Variants in RALB observed in about 807,000 individuals in gnomAD.
RALB encodes RAS like proto-oncogene B.
Under a neutral mutation model 21.3 loss-of-function variants are expected in RALB, and 16 were observed. The ratio of observed to expected loss-of-function variants is 0.75; its 90% CI spans 0.51 to 1.14. The LOEUF is 1.14. Among genes scored for constraint, RALB ranks in the 50% most tolerant of loss-of-function variants. The pLI, the probability that RALB is intolerant of heterozygous loss-of-function variation, is 0.00. For missense variants in RALB, 161 were observed against 256.2 expected (o/e 0.63, Z 2.54); for synonymous variants, 93 against 96.1 (o/e 0.97, Z 0.19).
At chr2:120,252,757 C>G, upstream of RALB, 1 of 983,592 alleles carries the variant, frequency 1.0e-6, no homozygotes, top group Non-Finnish European at 1.2e-6. Flanking sequence ...CCCCGACGGG[C>G]GTGGCTTCCG....
In RALB at chr2:120,293,766, C is replaced by A. The variant is rs756834498; in HGVS notation, c.*506C>A. 6 of 168,968 alleles carry A rather than the reference C, an allele frequency of 3.6e-5. No individual in the cohort carries two copies. The highest frequency in any genetic ancestry group is 6.3e-5 in the Non-Finnish European group (5 of 79,984). The allele number at this position is 168,968 out of a possible 1,614,324, so 10.5% of individuals were successfully genotyped here. Reference sequence around the variant, plus strand: ...ATCCACCGATTTTTTGGGTAAGCTTCTTGGCAATACCCTGTGGATCTGAAA... The same window carrying A: ...ATCCACCGATTTTTTGGGTAAGCTTATTGGCAATACCCTGTGGATCTGAAA... On this transcript the variant is annotated 3_prime_UTR_variant, in exon 5 of 5. Coordinates refer to ENST00000272519, the MANE Select transcript of RALB (RefSeq NM_002881.3).
intron 1 of RALB, among the ~76,000 whole-genome samples, chr2:120,277,666 C>T (rs916220576): frequency 1.5e-5 from 2 of 136,518 alleles, no homozygotes; most frequent in Non-Finnish European, 3.2e-5. Flanking sequence ...GTTGTGAGAG[C>T]GTTGTGAACG....
At chr2:120,282,420 G>T (rs1472554752) in intron 2 of RALB, among the ~76,000 whole-genome samples, 1 of 151,980 alleles carries the variant, frequency 6.6e-6, no homozygotes, top group Non-Finnish European at 1.5e-5. Flanking sequence ...GGAGGTTGCA[G>T]TGAGCCAAGA....
intron 1 of RALB, among the ~76,000 whole-genome samples, chr2:120,241,752 A>C (rs544998516): frequency 6.6e-6 from 1 of 152,238 alleles, no homozygotes; most frequent in South Asian, 2.1e-4. Context: ...ACAAAACAAA[A>C]CAAAAAAACA....
At chr2:120,283,617 A>T (rs1690050110) in intron 2 of RALB, among the ~76,000 whole-genome samples, 1 of 152,212 alleles carries the variant, frequency 6.6e-6, no homozygotes, top group South Asian at 2.1e-4. Flanking sequence ...TCGGCCTAAC[A>T]TACTCGTTTT....
chr2:120,248,684 G>A (rs1409168329), upstream of RALB, among the ~76,000 whole-genome samples: 1 of 152,166 alleles, frequency 6.6e-6, no homozygotes, highest in African/African-American at 2.4e-5. Flanking sequence ...ACAGCTTCTT[G>A]CTGTGTCGTC....
Position 120,280,543 on chromosome 2 carries a change from C to A in RALB, c.114+1765C>A, listed in dbSNP as rs532576912. ...GGGAGGGGAACATCACATGCTGGGG[C>A]CTTTTGGGGGGCGGGGGGCAAGGGG... On this transcript the variant is annotated intron_variant, in intron 2 of 4. Coordinates refer to ENST00000272519, the MANE Select transcript of RALB (RefSeq NM_002881.3). Among the ~76,000 whole-genome samples the A allele has an allele frequency of 3.2e-5, 4 of 124,134 alleles. No individual in the cohort carries two copies. The South Asian group carries it at 1.2e-3, about 36-fold the overall frequency. 81.4% of individuals were successfully genotyped at this position (124,134 alleles called of 152,430 possible).
chr2:120,247,593 G>T (rs533230986), intron 1 of RALB, among the ~76,000 whole-genome samples: 6 of 152,304 alleles, frequency 3.9e-5, no homozygotes, highest in Admixed American at 1.3e-4. Flanking sequence ...CAGTTTAGTG[G>T]CAATGACTTA....
At chr2:120,281,764 A>G (rs1284804219) in intron 2 of RALB, among the ~76,000 whole-genome samples, 1 of 152,224 alleles carries the variant, frequency 6.6e-6, no homozygotes, top group Non-Finnish European at 1.5e-5. Context: ...TCAAAAACTT[A>G]TAATTTGCTT....
chr2:120,271,545 CTTTAGGCCCATT>C (rs1689665939), intron 1 of RALB, among the ~76,000 whole-genome samples: 1 of 152,184 alleles, frequency 6.6e-6, no homozygotes, highest in Non-Finnish European at 1.5e-5. Flanking sequence ...TAAGATGGCA[CTTTAGGCCCATT>C]TATAGACAGA....
In RALB at chr2:120,282,839, C is replaced by T. The variant is rs1016572783; in HGVS notation, c.115-3035C>T. 2.6e-5 allele frequency among the ~76,000 whole-genome samples: 4 copies of T among 152,018 alleles called. 1 individual carries two copies. The highest frequency in any genetic ancestry group is 2.6e-4 in the Admixed American group (4 of 15,264). ...CTAAAACGGTGCTAATAGAAACTTCCATGATGATGAAAATGTTCTGTATCT... is the reference window on the plus strand; with the variant it reads ...CTAAAACGGTGCTAATAGAAACTTCTATGATGATGAAAATGTTCTGTATCT... On this transcript the variant is annotated intron_variant, in intron 2 of 4. Coordinates refer to ENST00000272519, the MANE Select transcript of RALB (RefSeq NM_002881.3).
intron 1 of RALB, among the ~76,000 whole-genome samples, chr2:120,277,242 T>C (rs547569023): frequency 6.6e-6 from 1 of 152,144 alleles, no homozygotes; most frequent in South Asian, 2.1e-4. Context: ...TATGTGTGTG[T>C]GAGAAAGTGT....
At position 120,291,499 on chromosome 2, in the gene RALB, C is replaced by T. The variant is rs1166445572; in HGVS notation, c.502-1642C>T. 4.6e-5 allele frequency among the ~76,000 whole-genome samples: 7 copies of T among 152,206 alleles called. No homozygotes were observed. In the East Asian group the frequency reaches 7.7e-4, roughly 17 times the overall value. On this transcript the variant is annotated intron_variant, in intron 4 of 4. Transcript: ENST00000272519. Reference sequence around the variant, plus strand: ...TGTGTATTTCCTGGATGGGTTGTCGCGTGGGGGGTCTGTGTTGTCATCTCC... The same window carrying T: ...TGTGTATTTCCTGGATGGGTTGTCGTGTGGGGGGTCTGTGTTGTCATCTCC...
At chr2:120,287,537 C>A (rs75883745) in intron 3 of RALB, among the ~76,000 whole-genome samples, 1 of 152,216 alleles carries the variant, frequency 6.6e-6, no homozygotes, top group Non-Finnish European at 1.5e-5. Context: ...ACACTCTCTT[C>A]TTTTCTTCCC....
intron 2 of RALB, among the ~76,000 whole-genome samples, chr2:120,280,507 G>C (rs1345255959): frequency 7.0e-6 from 1 of 143,004 alleles, no homozygotes; most frequent in African/African-American, 2.6e-5. Flanking sequence ...CAATGAGAAC[G>C]CATGGACACA....
intron 1 of RALB, among the ~76,000 whole-genome samples, chr2:120,274,063 C>G (rs1370079011): frequency 6.6e-6 from 1 of 152,162 alleles, no homozygotes; most frequent in Admixed American, 6.5e-5. Flanking sequence ...AGGATCCCCC[C>G]CAACCTGGAA....
intron 1 of RALB, among the ~76,000 whole-genome samples, chr2:120,266,575 G>A (rs2104605624): frequency 1.3e-5 from 2 of 152,262 alleles, no homozygotes; most frequent in Middle Eastern, 3.4e-3. Flanking sequence ...GGTGGGCGTG[G>A]TGGTGTGTGC....
At chr2:120,243,987 C>A (rs2104565264) in intron 1 of RALB, among the ~76,000 whole-genome samples, 1 of 152,268 alleles carries the variant, frequency 6.6e-6, no homozygotes, top group East Asian at 1.9e-4. Context: ...CGCAGTTCCA[C>A]AGGCTGTACA....
intron 1 of RALB, among the ~76,000 whole-genome samples, chr2:120,241,507 C>A (rs975868120): frequency 1.3e-5 from 2 of 152,186 alleles, no homozygotes; most frequent in African/African-American, 4.8e-5. Context: ...GGGCGGATCA[C>A]CTGAGGTCAG....
Sources: allele counts gnomAD v4.1 joint callset (sites outside exome capture counted in the v4.1 genomes callset), GRCh38; gene constraint gnomAD v4.1.1; transcripts MANE v1.5; gene names NCBI Gene and HGNC (gene_info 2026-07-23, HGNC 2026-07-21).